MYOM1: variants seen among roughly 807,000 people sequenced by gnomAD.
The protein encoded by MYOM1 is myomesin-1.
MYOM1 carries 164 observed loss-of-function variants against 205.3 expected under a neutral mutation model. That is an observed-to-expected ratio of 0.80 (90% confidence interval 0.70 to 0.91). The LOEUF is 0.91. Ranked by LOEUF, MYOM1 falls within the 40% of genes least tolerant of loss-of-function variation. The pLI, the probability that MYOM1 is intolerant of heterozygous loss-of-function variation, is 0.00. For synonymous variants in MYOM1, 772 were observed against 789.4 expected (o/e 0.98, Z 0.37); for missense variants, 2,011 against 2,127.3 (o/e 0.95, Z 1.08).
chr18:3,100,336 G>A lies in MYOM1; in HGVS notation c.3666C>T (p.Tyr1222=), dbSNP rs2079359928. 1 of 1,613,822 alleles carries A rather than the reference G, an allele frequency of 6.2e-7. No individual in the cohort carries two copies. The highest frequency in any genetic ancestry group is 2.2e-5 in the East Asian group (1 of 44,876). ...VTDTDGIASS[Y]LIDEEELKRL... ...TAAACTTACCTTCCTCATCTATTAA[G>A]TAGCTTGATGCTATTCCATCAGTGT... The change falls in exon 24 of 38, where the codon TAC becomes TAT. Residue 1222 remains tyrosine (Y), a synonymous_variant. Coordinates refer to ENST00000356443, the MANE Select transcript of MYOM1 (RefSeq NM_003803.4).
chr18:3,210,255 T>C (rs2081175599), intron 2 of MYOM1, among the ~76,000 whole-genome samples: 1 of 152,200 alleles, frequency 6.6e-6, no homozygotes, highest in Non-Finnish European at 1.5e-5. Flanking sequence ...CTCTGCTGTG[T>C]TTGGTCGTCT....
At chr18:3,239,846 G>T in the MYOM1 span, among the ~76,000 whole-genome samples, 6 of 150,366 alleles carry the variant, frequency 4.0e-5, no homozygotes, top group Middle Eastern at 3.5e-3. Context: ...GGGCCCACTT[G>T]AAGTCTGTGG....
At position 3,129,429 on chromosome 18, in the gene MYOM1, G is replaced by T; in HGVS notation, c.2597C>A (p.Pro866Gln). 1 of 1,613,928 alleles carries T rather than the reference G, an allele frequency of 6.2e-7. No homozygotes were observed. Among genetic ancestry groups the T allele is most frequent in the Non-Finnish European group, 8.5e-7 (1 of 1,179,874 alleles). The change falls in exon 18 of 38, where the codon CCG becomes CAG. Residue 866 changes from proline to glutamine, a missense_variant. Transcript: ENST00000356443. ...ASRGRVHEAS[P>Q]PTFQKDALLG... ...CAAAGCATCTTTCTGGAAGGTTGGC[G>T]GGGAGGCTTCATGCACGCGCCCCCT...
chr18:3,126,581 C>T, intron 19 of MYOM1, 120 bp downstream of exon 19: 1 of 868,450 alleles, frequency 1.2e-6, no homozygotes, highest in Non-Finnish European at 1.7e-6. Context: ...CCACTGCAGA[C>T]AATGGACTCT....
chr18:3,177,225 T>G (rs7505606), intron 5 of MYOM1, among the ~76,000 whole-genome samples: 1 of 151,896 alleles, frequency 6.6e-6, no homozygotes, highest in Non-Finnish European at 1.5e-5. Flanking sequence ...GGCAACAGAG[T>G]GAGACCGTGT....
chr18:3,133,899 G>A (rs571117866), intron 16 of MYOM1, among the ~76,000 whole-genome samples: 27 of 152,288 alleles, frequency 1.8e-4, no homozygotes, highest in African/African-American at 6.0e-4. Context: ...GTCTTGCTCT[G>A]TTGCCCAGGC....
At position 3,091,125 on chromosome 18, in the gene MYOM1, G is replaced by T. The variant is rs981855882; in HGVS notation, c.3865-323C>A. ...GAGGTCAGGAGTTCGAGACCAGCCTGACCAATATGATGAAACCCCGTCTCT... is the reference window on the plus strand; with the variant it reads ...GAGGTCAGGAGTTCGAGACCAGCCTTACCAATATGATGAAACCCCGTCTCT... On this transcript the variant is annotated intron_variant, in intron 26 of 37. Transcript: ENST00000356443. Among the ~76,000 whole-genome samples the T allele has an allele frequency of 1.3e-4, 20 of 152,126 alleles. 1 individual carries two copies.
intron 19 of MYOM1, among the ~76,000 whole-genome samples, chr18:3,121,268 A>C (rs1598693550): frequency 6.6e-6 from 1 of 152,226 alleles, no homozygotes; most frequent in African/African-American, 2.4e-5. Flanking sequence ...CAACCCACAG[A>C]TGAAAAATCC....
intron 13 of MYOM1, among the ~76,000 whole-genome samples, chr18:3,146,749 C>T (rs758317334): frequency 6.6e-6 from 1 of 151,756 alleles, no homozygotes; most frequent in Non-Finnish European, 1.5e-5. Flanking sequence ...CAACATTGTA[C>T]TAAAGGTTCT....
At chr18:3,203,796 T>C (rs923807358) in intron 2 of MYOM1, among the ~76,000 whole-genome samples, 1 of 151,038 alleles carries the variant, frequency 6.6e-6, no homozygotes, top group African/African-American at 2.4e-5. Flanking sequence ...CAGTATTACA[T>C]GATATCAAAG....
At chr18:3,096,717 A>C (rs1371000889) in intron 25 of MYOM1, among the ~76,000 whole-genome samples, 2 of 152,174 alleles carry the variant, frequency 1.3e-5, no homozygotes, top group Admixed American at 1.3e-4. Context: ...CATATAGTGC[A>C]TGTATACAAG....
Position 3,196,951 on chromosome 18 carries a change from G to C in MYOM1, c.291-2993C>G, listed in dbSNP as rs1162656993. ...AAACCATTTATAGAATCTCAGAGCTGAAAGAGGACTCGGGGATATTTATAT... is the reference window on the plus strand; with the variant it reads ...AAACCATTTATAGAATCTCAGAGCTCAAAGAGGACTCGGGGATATTTATAT... On this transcript the variant is annotated intron_variant, in intron 2 of 37. Transcript: ENST00000356443. 2.6e-5 allele frequency among the ~76,000 whole-genome samples: 4 copies of C among 152,286 alleles called. No homozygotes were observed. The East Asian group carries it at 7.7e-4, about 29-fold the overall frequency.
At chr18:3,079,888 C>T (rs867259895) in intron 33 of MYOM1, among the ~76,000 whole-genome samples, 14 of 151,982 alleles carry the variant, frequency 9.2e-5, no homozygotes, top group East Asian at 5.8e-4. Context: ...GCAGAGTTGC[C>T]GCCAACACGA....
Position 3,189,465 on chromosome 18 carries a change from T to C in MYOM1, c.432-378A>G, listed in dbSNP as rs1282002551. ...ACCTTGGCCTCCTTGTTCAAGCAAT[T>C]CTCCTGCCTCAGCCTCTCAAGGAGC... On this transcript the variant is annotated intron_variant, in intron 3 of 37. Transcript: ENST00000356443. This position sits in a 1 kb window ranked among gnomAD's most constrained non-coding sequence, Gnocchi z 4.8. Among the ~76,000 whole-genome samples the C allele has an allele frequency of 1.3e-5, 2 of 152,078 alleles. No homozygotes were observed. The highest frequency in any genetic ancestry group is 2.9e-5 in the Non-Finnish European group (2 of 68,008).
At chr18:3,215,582 C>G (rs2081255234) in intron 1 of MYOM1, among the ~76,000 whole-genome samples, 1 of 152,028 alleles carries the variant, frequency 6.6e-6, no homozygotes, top group Non-Finnish European at 1.5e-5. Flanking sequence ...GCTTGGGTGA[C>G]AGAGCAAGAC....
At chr18:3,214,399 C>A (rs1311986209) in intron 2 of MYOM1, among the ~76,000 whole-genome samples, 1 of 152,112 alleles carries the variant, frequency 6.6e-6, no homozygotes, top group Non-Finnish European at 1.5e-5. Flanking sequence ...AAGACTCGCC[C>A]GTGAGAACAC....
chr18:3,159,300 T>C (rs2080347091), intron 10 of MYOM1, among the ~76,000 whole-genome samples: 2 of 152,216 alleles, frequency 1.3e-5, no homozygotes, highest in Non-Finnish European at 2.9e-5. Context: ...TCTGCAGACA[T>C]ATGGTGCTTT....
At chr18:3,095,727 G>A (rs1396069607) in intron 25 of MYOM1, among the ~76,000 whole-genome samples, 7 of 151,470 alleles carry the variant, frequency 4.6e-5, no homozygotes, top group East Asian at 3.9e-4. Flanking sequence ...GTGGTAACAC[G>A]TCTGGGTGGT....
rs187396592 is a variant in MYOM1, at chr18:3,202,593, G to C, written c.291-8635C>G. Among the ~76,000 whole-genome samples the C allele has an allele frequency of 6.4e-3, 973 of 152,038 alleles. 12 individuals carry two copies. The highest frequency in any genetic ancestry group is 0.022 in the African/African-American group (918 of 41,496). Reference sequence around the variant, plus strand: ...AGAGGAATATTTCATATGATAAAATGGTCAATTTCTAAGAAAAGCATAATT... The same window carrying C: ...AGAGGAATATTTCATATGATAAAATCGTCAATTTCTAAGAAAAGCATAATT... On this transcript the variant is annotated intron_variant, in intron 2 of 37. Coordinates refer to ENST00000356443, the MANE Select transcript of MYOM1 (RefSeq NM_003803.4).
Sources: allele counts gnomAD v4.1 joint callset (sites outside exome capture counted in the v4.1 genomes callset), GRCh38; gene constraint gnomAD v4.1.1; non-coding constraint Gnocchi (gnomAD v3.1); transcripts MANE v1.5; gene names NCBI Gene and HGNC (gene_info 2026-07-23, HGNC 2026-07-21).